CSMD1: variants seen among roughly 807,000 people sequenced by gnomAD.
CSMD1 encodes the protein CUB and sushi domain-containing protein 1.
CSMD1 carries 213 observed loss-of-function variants against 417.5 expected under a neutral mutation model. The observed-to-expected ratio is 0.51, with a 90% CI of 0.46 to 0.57. The LOEUF is 0.57. CSMD1 is among the 20% of genes least tolerant of loss of function. The pLI, the probability that CSMD1 is intolerant of heterozygous loss-of-function variation, is 0.00. For synonymous variants in CSMD1, 2,862 were observed against 1,736.8 expected, an observed-to-expected ratio of 1.65 and a Z score of -16.11; for missense variants, 6,923 against 4,529.7, an observed-to-expected ratio of 1.53 and a Z score of -15.17.
At chr8:3,539,252 C>G (rs1798338569) in intron 10 of CSMD1, among the ~76,000 whole-genome samples, 1 of 152,192 alleles carries the variant, frequency 6.6e-6, no homozygotes, top group Non-Finnish European at 1.5e-5. Flanking sequence ...TTCAGTCACT[C>G]TCTCCTGGGC....
At chr8:3,836,508 G>T (rs991239317) in intron 5 of CSMD1, among the ~76,000 whole-genome samples, 2 of 152,094 alleles carry the variant, frequency 1.3e-5, no homozygotes, top group South Asian at 2.1e-4. Context: ...CTAATTTTAA[G>T]CCACATCTTA....
intron 7 of CSMD1, among the ~76,000 whole-genome samples, chr8:3,648,486 G>A (rs1382968149): frequency 7.9e-5 from 12 of 152,178 alleles, no homozygotes; most frequent in Admixed American, 7.2e-4. Flanking sequence ...CTAACACAGT[G>A]GAGTGACTGC....
intron 10 of CSMD1, among the ~76,000 whole-genome samples, chr8:3,556,902 A>G (rs1038071308): frequency 6.6e-6 from 1 of 152,074 alleles, no homozygotes; most frequent in African/African-American, 2.4e-5. Flanking sequence ...CACAAAAACA[A>G]TCATCAGGTC....
chr8:3,832,758 T>A (rs995040654), intron 5 of CSMD1, among the ~76,000 whole-genome samples: 2 of 152,116 alleles, frequency 1.3e-5, no homozygotes, highest in African/African-American at 2.4e-5. Context: ...TAAAATATGA[T>A]CAGATTTTTA....
At chr8:3,631,416 C>A (rs993565676) in intron 7 of CSMD1, among the ~76,000 whole-genome samples, 1 of 152,152 alleles carries the variant, frequency 6.6e-6, no homozygotes, top group South Asian at 2.1e-4. Context: ...CAGCCCGTGG[C>A]TGAGCCTGGA....
chr8:4,551,951 T>C (rs1797891429), intron 2 of CSMD1, among the ~76,000 whole-genome samples: 1 of 151,444 alleles, frequency 6.6e-6, no homozygotes, highest in Non-Finnish European at 1.5e-5. Flanking sequence ...CCTCCCAAAA[T>C]GCTGGGACTA....
chr8:3,239,001 T>G (rs1304112712), intron 26 of CSMD1, among the ~76,000 whole-genome samples: 1 of 152,056 alleles, frequency 6.6e-6, no homozygotes, highest in Non-Finnish European at 1.5e-5. Flanking sequence ...AAAGTTGGTG[T>G]GGTGTCTGGA....
chr8:3,995,482 C>T (rs577166616), intron 5 of CSMD1, among the ~76,000 whole-genome samples: 33 of 152,304 alleles, frequency 2.2e-4, no homozygotes, highest in South Asian at 1.2e-3. Context: ...AGTCCTGAAA[C>T]AGAGAAACTC....
At chr8:4,544,172 A>G (rs993900576) in intron 2 of CSMD1, among the ~76,000 whole-genome samples, 1 of 152,154 alleles carries the variant, frequency 6.6e-6, no homozygotes, top group Non-Finnish European at 1.5e-5. Context: ...TTGATGTTGT[A>G]TGTAAAAACC....
chr8:3,510,343 G>C (rs1449782094), intron 10 of CSMD1, among the ~76,000 whole-genome samples: 1 of 151,786 alleles, frequency 6.6e-6, no homozygotes, highest in Admixed American at 6.5e-5. Context: ...CACAGCCGGA[G>C]CTTGGGGGAG....
chr8:4,079,662 T>C (rs1231822137), intron 3 of CSMD1, among the ~76,000 whole-genome samples: 1 of 152,260 alleles, frequency 6.6e-6, no homozygotes, highest in African/African-American at 2.4e-5. Flanking sequence ...TTCAGCGTTC[T>C]TGTGGGTTCA....
At chr8:4,027,026 T>C (rs138735768) in intron 4 of CSMD1, among the ~76,000 whole-genome samples, 1 of 152,190 alleles carries the variant, frequency 6.6e-6, no homozygotes, top group Non-Finnish European at 1.5e-5. Flanking sequence ...CCACATGATG[T>C]CAAGGAACAC....
In CSMD1 at chr8:4,529,336, T is replaced by C. The variant is rs572616287; in HGVS notation, c.302+108006A>G. ...GCAAAAAAAATTACAAGAATCCAGC[T>C]GTCTGCTGTTAAAGCAGGCATTAAT... On this transcript the variant is annotated intron_variant, in intron 2 of 69. Transcript: ENST00000635120. 1.6e-4 allele frequency among the ~76,000 whole-genome samples: 25 copies of C among 152,320 alleles called. No homozygotes were observed. In the South Asian group the frequency reaches 5.2e-3, roughly 32 times the overall value.
chr8:4,320,108 C>G (rs1358271341), intron 3 of CSMD1, among the ~76,000 whole-genome samples: 2 of 152,026 alleles, frequency 1.3e-5, no homozygotes, highest in African/African-American at 4.8e-5. Flanking sequence ...AAAATCCAAC[C>G]CTTTGCAAGT....
chr8:4,131,756 CTTTTTT>C (rs10650865), intron 3 of CSMD1, among the ~76,000 whole-genome samples: 4 of 87,434 alleles, frequency 4.6e-5, no homozygotes, highest in South Asian at 9.5e-4. Context: ...ACAAATGTGA[CTTTTTT>C]TTTTTTTTTT....
Position 3,396,324 on chromosome 8 carries a change from C to T in CSMD1, c.2463G>A (p.Ser821=), listed in dbSNP as rs373325511. The part of the protein sequence containing the change: ...TLEVRDGPAS[S]SPLIGEYHGT... ...CGTGGTACTCGCCGATCAGTGGGGA[C>T]GAACTGGCTGGCCCATCTCTGACCT... Residue 821 remains serine (S), a synonymous_variant, in exon 17 of 70, where the codon TCG becomes TCA. Transcript: ENST00000635120. 5.9e-5 allele frequency: 95 copies of T among 1,607,794 alleles called. 1 individual carries two copies. In the Middle Eastern group the frequency reaches 5.1e-3, roughly 87 times the overall value.
chr8:4,618,880 A>G (rs1801622926), intron 2 of CSMD1, among the ~76,000 whole-genome samples: 1 of 152,180 alleles, frequency 6.6e-6, no homozygotes, highest in African/African-American at 2.4e-5. Context: ...AGTACACGTA[A>G]TAGAATAGAC....
intron 49 of CSMD1, among the ~76,000 whole-genome samples, chr8:3,059,223 G>C (rs1488278046): frequency 6.8e-6 from 1 of 147,476 alleles, no homozygotes; most frequent in Non-Finnish European, 1.5e-5. Flanking sequence ...AATATTAAAA[G>C]TAACATAAGA....
chr8:4,087,001 G>T lies in CSMD1; in HGVS notation c.416-54902C>A, dbSNP rs559430057. Among the ~76,000 whole-genome samples, 10 of 152,156 alleles carry T rather than the reference G, an allele frequency of 6.6e-5. No individual in the cohort carries two copies. In the East Asian group the frequency reaches 1.9e-3, roughly 29 times the overall value. ...TTCTGTTTCCTCATTTACAAAATGG[G>T]GATAACGCTATGTACATCATGGAAT... On this transcript the variant is annotated intron_variant, in intron 3 of 69. Transcript: ENST00000635120.
Sources: allele counts gnomAD v4.1 joint callset (sites outside exome capture counted in the v4.1 genomes callset), GRCh38; gene constraint gnomAD v4.1.1; transcripts MANE v1.5; gene names NCBI Gene and HGNC (gene_info 2026-07-23, HGNC 2026-07-21).